YPEL1: variants seen among roughly 807,000 people sequenced by gnomAD.
YPEL1 encodes the protein protein yippee-like 1.
YPEL1 carries 7 observed loss-of-function variants against 17.3 expected under a neutral mutation model. The observed-to-expected ratio is 0.40, with a 90% CI of 0.23 to 0.76. The LOEUF is 0.76. Among genes scored for constraint, YPEL1 ranks in the 30% least tolerant of loss-of-function variants. The pLI is 0.35. For missense variants in YPEL1, 91 were observed against 155.5 expected, an observed-to-expected ratio of 0.59 and a Z score of 2.21; for synonymous variants, 59 against 59.6, an observed-to-expected ratio of 0.99 and a Z score of 0.05.
intron 2 of YPEL1, among the ~76,000 whole-genome samples, chr22:21,705,984 G>A (rs1202215375): frequency 2.0e-5 from 3 of 152,022 alleles, no homozygotes; most frequent in African/African-American, 7.3e-5. Context: ...ATAAAAATTA[G>A]CTGGGCATGG....
chr22:21,714,603 C>T (rs952302135), intron 1 of YPEL1, among the ~76,000 whole-genome samples: 3 of 152,128 alleles, frequency 2.0e-5, no homozygotes, highest in Non-Finnish European at 4.4e-5. Context: ...GTGCTGCTGT[C>T]GCTGTCACCT....
chr22:21,731,895 G>A (rs756907317), intron 1 of YPEL1, among the ~76,000 whole-genome samples: 53 of 152,310 alleles, frequency 3.5e-4, no homozygotes, highest in Non-Finnish European at 6.2e-4. Flanking sequence ...CACAGTTTAG[G>A]TGTCTGACCA....
rs559252005 is a variant in YPEL1 at position 21,712,704 on chromosome 22, C to T, written c.-164-1796G>A. Among the ~76,000 whole-genome samples the T allele has an allele frequency of 1.2e-3, 159 of 135,664 alleles. 1 individual carries two copies. The highest frequency in any genetic ancestry group is 3.7e-3 in the African/African-American group (137 of 36,626). 89.0% of individuals were successfully genotyped at this position (135,664 alleles called of 152,430 possible). A position where few individuals can be genotyped will look rare whatever the true frequency, so the allele number is the denominator to read the frequency against. The stretch of plus-strand genomic sequence containing the variant: ...CCATATCACTGCACTCCAGCCTGGG[C>T]GACAGAGTGAGACTACATCTCAAAA... On this transcript the variant is annotated intron_variant, in intron 1 of 4. Coordinates refer to ENST00000339468, the MANE Select transcript of YPEL1 (RefSeq NM_013313.5).
chr22:21,730,874 C>T (rs1473156241), intron 1 of YPEL1, among the ~76,000 whole-genome samples: 2 of 152,208 alleles, frequency 1.3e-5, no homozygotes, highest in Non-Finnish European at 2.9e-5. Flanking sequence ...CCAGGTGCCT[C>T]GGCCCTCCAG....
At chr22:21,704,212 G>A (rs573722143) in intron 2 of YPEL1, 1 of 716,166 alleles carries the variant, frequency 1.4e-6, no homozygotes, top group African/African-American at 1.7e-5. Context: ...GTTCTGAGAG[G>A]GGATCACGAA....
chr22:21,732,327 CA>C (rs2068395880), intron 1 of YPEL1, among the ~76,000 whole-genome samples: 1 of 152,228 alleles, frequency 6.6e-6, no homozygotes, highest in Non-Finnish European at 1.5e-5. Context: ...CTAGAGCTTT[CA>C]CTGATTATTA....
intron 1 of YPEL1, among the ~76,000 whole-genome samples, chr22:21,734,602 C>T (rs1002059321): frequency 6.6e-6 from 1 of 152,166 alleles, no homozygotes; most frequent in African/African-American, 2.4e-5. Flanking sequence ...CCATGAAGGT[C>T]CTGGAGATCC....
intron 2 of YPEL1, among the ~76,000 whole-genome samples, chr22:21,708,074 C>T (rs1442952367): frequency 1.3e-5 from 2 of 151,676 alleles, no homozygotes; most frequent in African/African-American, 2.4e-5. Context: ...CAGTGCCTCT[C>T]GCCTCGCAGG....
intron 1 of YPEL1, chr22:21,722,935 C>T (rs2040167): frequency 0.04 from 5,980 of 147,694 alleles, 244 homozygotes; most frequent in East Asian, 0.17. Context: ...TGGCTATTTA[C>T]AGGCACGATG....
At chr22:21,712,725 CAAAA>C (rs33967845) in intron 1 of YPEL1, among the ~76,000 whole-genome samples, 1 of 89,624 alleles carries the variant, frequency 1.1e-5, no homozygotes, top group African/African-American at 4.9e-5. Flanking sequence ...GACTACATCT[CAAAA>C]AAAAAAAAAA....
At chr22:21,733,965 A>C (rs1474341456) in intron 1 of YPEL1, among the ~76,000 whole-genome samples, 1 of 152,180 alleles carries the variant, frequency 6.6e-6, no homozygotes, top group Non-Finnish European at 1.5e-5. Flanking sequence ...CTGTAATCCC[A>C]ACACTTCAGG....
chr22:21,703,450 C>T lies in YPEL1; in HGVS notation c.190G>A (p.Glu64Lys). The change falls in exon 4 of 5, where the codon GAG (glutamate) becomes AAG (lysine). Residue 64 changes from glutamate (E) to lysine (K), a missense_variant. Glu to Lys is a moderately conservative substitution (Grantham distance 56, BLOSUM62 1). Transcript: ENST00000339468. This position sits in a 1 kb window ranked among gnomAD's most constrained non-coding sequence, Gnocchi z 6.1. ...VVNVGCGPAEERVLLTGLHAV... is the reference protein window; with the variant it reads ...VVNVGCGPAEKRVLLTGLHAV... ...TGCAGCCCGGTGAGAAGGACCCTCTCCTCTGCAGGGCCGCAGCCCACGTTC... is the reference window on the plus strand; with the variant it reads ...TGCAGCCCGGTGAGAAGGACCCTCTTCTCTGCAGGGCCGCAGCCCACGTTC... 1.2e-6 allele frequency: 2 copies of T among 1,611,986 alleles called. No homozygotes were observed. Among genetic ancestry groups the T allele is most frequent in the Non-Finnish European group, 1.7e-6 (2 of 1,179,980 alleles).
Position 21,697,964 on chromosome 22 carries a change from T to TA in YPEL1, c.*3164dup, listed in dbSNP as rs901035570. ...GCCATCAAGAATAAGCATTAAGGTATAAAAAATACTGTGTGTATAAAACAA... is the reference window on the plus strand; with the variant it reads ...GCCATCAAGAATAAGCATTAAGGTATAAAAAAATACTGTGTGTATAAAACAA... On this transcript the variant is annotated 3_prime_UTR_variant, in exon 5 of 5. Coordinates refer to ENST00000339468, the MANE Select transcript of YPEL1 (RefSeq NM_013313.5). 27 of 152,406 alleles carry TA rather than the reference T, an allele frequency of 1.8e-4. No individual in the cohort carries two copies. The highest frequency in any genetic ancestry group is 5.3e-4 in the African/African-American group (22 of 41,550). The allele number at this position is 152,406 out of a possible 1,614,324, so 9.4% of individuals were successfully genotyped here.
At chr22:21,729,155 A>G (rs1272440881) in intron 1 of YPEL1, among the ~76,000 whole-genome samples, 1 of 151,952 alleles carries the variant, frequency 6.6e-6, no homozygotes, top group Non-Finnish European at 1.5e-5. Context: ...AAGAAAAAAA[A>G]AAAAAATTAG....
At position 21,710,792 on chromosome 22, in the gene YPEL1, C is replaced by A; in HGVS notation, c.-48G>T. 1.3e-6 allele frequency: 2 copies of A among 1,540,116 alleles called. No homozygotes were observed. The highest frequency in any genetic ancestry group is 2.2e-5 in the East Asian group (1 of 44,488). On this transcript the variant is annotated 5_prime_UTR_variant, in exon 2 of 5. Transcript: ENST00000339468. Reference sequence around the variant, plus strand: ...AGCTCAGGGCTGGTTCTGGAAGAACCGTGGCTCTGCTGGCCTCTCTGACAA... The same window carrying A: ...AGCTCAGGGCTGGTTCTGGAAGAACAGTGGCTCTGCTGGCCTCTCTGACAA...
At chr22:21,718,282 T>A (rs893137883) in intron 1 of YPEL1, among the ~76,000 whole-genome samples, 2 of 151,648 alleles carry the variant, frequency 1.3e-5, no homozygotes, top group African/African-American at 4.8e-5. Flanking sequence ...GCTAACACAA[T>A]GAAACCCCAT....
chr22:21,724,336 A>C (rs1320232942), intron 1 of YPEL1, among the ~76,000 whole-genome samples: 1 of 152,142 alleles, frequency 6.6e-6, no homozygotes, highest in Admixed American at 6.5e-5. Context: ...CAGGAGTTTG[A>C]GACCGGCCTG....
intron 1 of YPEL1, among the ~76,000 whole-genome samples, chr22:21,718,415 A>G (rs2068249260): frequency 6.6e-6 from 1 of 151,964 alleles, no homozygotes; most frequent in Non-Finnish European, 1.5e-5. Flanking sequence ...CAGTGAGCTG[A>G]GATCGCACCA....
At chr22:21,702,579 A>T (rs2068076186) in intron 4 of YPEL1, among the ~76,000 whole-genome samples, 1 of 152,176 alleles carries the variant, frequency 6.6e-6, no homozygotes, top group Admixed American at 6.5e-5. Flanking sequence ...AGGTGGGTGG[A>T]TCACTTGAGG....
Sources: gnomAD v4.1 joint callset for allele counts (sites outside exome capture counted in the v4.1 genomes callset) on GRCh38, gnomAD v4.1.1 for gene constraint, Gnocchi (gnomAD v3.1) non-coding constraint, MANE v1.5 for transcripts, NCBI Gene and HGNC (gene_info 2026-07-23, HGNC 2026-07-21) for gene names.